Variants in ELMO1 observed in about 807,000 individuals in gnomAD.
The protein encoded by ELMO1 is engulfment and cell motility protein 1.
A neutral mutation model predicts 98.9 loss-of-function variants in ELMO1; 26 were observed. That is an observed-to-expected ratio of 0.26 (90% confidence interval 0.19 to 0.36). The LOEUF is 0.36. ELMO1 is among the 10% of genes least tolerant of loss of function. The probability of loss-of-function intolerance (pLI) is 1.00; values close to 1 mark genes in which losing one functional copy is unlikely to be tolerated. For synonymous variants in ELMO1, 346 were observed against 346.0 expected, an observed-to-expected ratio of 1.00 and a Z score of 0.00; for missense variants, 627 against 935.2, an observed-to-expected ratio of 0.67 and a Z score of 4.30.
At chr7:36,984,660 C>T (rs943161144) in intron 16 of ELMO1, among the ~76,000 whole-genome samples, 1 of 152,196 alleles carries the variant, frequency 6.6e-6, no homozygotes, top group Non-Finnish European at 1.5e-5. Context: ...TTGACTATTT[C>T]ATGTGCATTT....
intron 16 of ELMO1, among the ~76,000 whole-genome samples, chr7:36,950,490 C>T (rs544624942): frequency 1.2e-3 from 182 of 152,358 alleles, no homozygotes; most frequent in African/African-American, 3.9e-3. Context: ...CCACTCCTAT[C>T]TTCTGCTTCT....
Position 36,919,435 on chromosome 7 carries a change from G to T in ELMO1, c.1438-24418C>A, listed in dbSNP as rs754677853. On this transcript the variant is annotated intron_variant, in intron 16 of 21. Transcript: ENST00000310758. ...AGAATGGCTCAGGAGAAGTAGCATA[G>T]TAAACTAGGAAGAATGTGGGCTTTG... 20 of 524,782 alleles carry T rather than the reference G, an allele frequency of 3.8e-5. 1 individual carries two copies. The highest frequency in any genetic ancestry group is 6.4e-4 in the Middle Eastern group (2 of 3,136). The allele number at this position is 524,782 out of a possible 1,614,324, so 32.5% of individuals were successfully genotyped here.
chr7:37,394,014 A>G (rs2131430547), intron 1 of ELMO1: 1 of 152,350 alleles, frequency 6.6e-6, no homozygotes. Flanking sequence ...TCCATAGCTA[A>G]GTAGAGGTAA....
intron 1 of ELMO1, among the ~76,000 whole-genome samples, chr7:37,348,960 C>T (rs561836133): frequency 6.6e-6 from 1 of 152,278 alleles, no homozygotes; most frequent in African/African-American, 2.4e-5. Flanking sequence ...TTCTGTTGCA[C>T]AGTAAACCCT....
intron 19 of ELMO1, among the ~76,000 whole-genome samples, chr7:36,871,156 G>C (rs912069683): frequency 5.3e-5 from 8 of 152,210 alleles, no homozygotes; most frequent in Admixed American, 5.2e-4. Context: ...ACAAAATGAT[G>C]TTATCTCATG....
intron 7 of ELMO1, among the ~76,000 whole-genome samples, chr7:37,236,679 C>T (rs1276900635): frequency 6.6e-6 from 1 of 152,080 alleles, no homozygotes; most frequent in Admixed American, 6.6e-5. Flanking sequence ...AGTAAGTTCC[C>T]ATATGGAAGA....
chr7:36,912,962 T>C (rs945928390), intron 16 of ELMO1, among the ~76,000 whole-genome samples: 1 of 152,224 alleles, frequency 6.6e-6, no homozygotes, highest in Non-Finnish European at 1.5e-5. Context: ...AAGCTTATTT[T>C]GTGTATCTTT....
chr7:37,079,035 T>C (rs1435801669), intron 15 of ELMO1, among the ~76,000 whole-genome samples: 1 of 152,176 alleles, frequency 6.6e-6, no homozygotes, highest in African/African-American at 2.4e-5. Flanking sequence ...AATTTAAAAA[T>C]ACTAAAAGTG....
intron 2 of ELMO1, among the ~76,000 whole-genome samples, chr7:37,316,605 C>T (rs975950410): frequency 5.3e-5 from 8 of 152,118 alleles, no homozygotes; most frequent in South Asian, 2.1e-4. Context: ...ACTTGTGCTC[C>T]GCCTGCCCCC....
chr7:37,295,744 T>C (rs1232014816), intron 4 of ELMO1, among the ~76,000 whole-genome samples: 1 of 152,140 alleles, frequency 6.6e-6, no homozygotes, highest in Non-Finnish European at 1.5e-5. Flanking sequence ...AGAGCCCAAA[T>C]AGAGAAAGAA....
intron 16 of ELMO1, among the ~76,000 whole-genome samples, chr7:36,989,622 T>A (rs1003726558): frequency 1.3e-5 from 2 of 152,166 alleles, no homozygotes; most frequent in Non-Finnish European, 2.9e-5. Flanking sequence ...CAAAAGACCA[T>A]CTATATGAGA....
In ELMO1 at chr7:36,854,010, C is replaced by T. The variant is rs984325508; in HGVS notation, c.*1541G>A. ...AAAGTTGTGATGTCTTTAATTAGAC[C>T]CATTCTATAAATTATATCATGGTAA... On this transcript the variant is annotated 3_prime_UTR_variant, in exon 22 of 22. Coordinates refer to ENST00000310758, the MANE Select transcript of ELMO1 (RefSeq NM_014800.11). Among the ~76,000 whole-genome samples, 6 of 151,844 alleles carry T rather than the reference C, an allele frequency of 4.0e-5. No homozygotes were observed. Among genetic ancestry groups the T allele is most frequent in the Non-Finnish European group, 5.9e-5 (4 of 67,974 alleles).
At chr7:36,908,778 C>T (rs1784142370) in intron 16 of ELMO1, among the ~76,000 whole-genome samples, 9 of 152,174 alleles carry the variant, frequency 5.9e-5, no homozygotes, top group Admixed American at 5.9e-4. Context: ...TCAATACCCA[C>T]CCTTTTTCCC....
rs139261623 is a variant in ELMO1 at position 37,163,318 on chromosome 7, T to C, written c.1087-30084A>G. Among the ~76,000 whole-genome samples, 458 of 145,268 alleles carry C rather than the reference T, an allele frequency of 3.2e-3. 4 individuals carry two copies. Among genetic ancestry groups the C allele is most frequent in the African/African-American group, 0.011 (446 of 39,196 alleles). On this transcript the variant is annotated intron_variant, in intron 13 of 21. Transcript: ENST00000310758. ...TTTTATTATTAAATATCAGGTATTATAGGGTATAAGCCAGTGTTCTTTTTT... is the reference window on the plus strand; with the variant it reads ...TTTTATTATTAAATATCAGGTATTACAGGGTATAAGCCAGTGTTCTTTTTT...
Position 37,113,868 on chromosome 7 carries a change from A to G in ELMO1, c.1192-17141T>C, listed in dbSNP as rs77184913. ...GGCAGCAAGAGGGCAGCCGTTTACA[A>G]GCCAAAAAGGGAGGCCTCAGAGACA... On this transcript the variant is annotated intron_variant, in intron 14 of 21. Coordinates refer to ENST00000310758, the MANE Select transcript of ELMO1 (RefSeq NM_014800.11). Among the ~76,000 whole-genome samples, 147 of 152,344 alleles carry G rather than the reference A, an allele frequency of 9.6e-4. 1 individual carries two copies. The highest frequency in any genetic ancestry group is 3.5e-3 in the African/African-American group (144 of 41,588).
intron 16 of ELMO1, among the ~76,000 whole-genome samples, chr7:36,997,224 ATTTCT>A (rs1205527718): frequency 6.6e-6 from 1 of 152,204 alleles, no homozygotes; most frequent in African/African-American, 2.4e-5. Flanking sequence ...GAGAGGAATG[ATTTCT>A]TTTAAGACCA....
At chr7:37,351,658 A>G (rs1014486337) in intron 1 of ELMO1, among the ~76,000 whole-genome samples, 2 of 152,196 alleles carry the variant, frequency 1.3e-5, no homozygotes, top group Non-Finnish European at 2.9e-5. Context: ...TAAATTCCTC[A>G]TTACGCTAAA....
intron 15 of ELMO1, among the ~76,000 whole-genome samples, chr7:37,057,675 G>A (rs561871753): frequency 7.2e-5 from 11 of 152,116 alleles, no homozygotes; most frequent in African/African-American, 2.7e-4. Context: ...CCTTTTCAAC[G>A]CAGATGTGTG....
At chr7:37,038,602 G>C (rs370862170) in intron 15 of ELMO1, among the ~76,000 whole-genome samples, 1 of 152,132 alleles carries the variant, frequency 6.6e-6, no homozygotes, top group African/African-American at 2.4e-5. Context: ...GAAATGAAAA[G>C]GTATGACAAG....
Sources: gnomAD v4.1 joint callset for allele counts (sites outside exome capture counted in the v4.1 genomes callset) on GRCh38, gnomAD v4.1.1 for gene constraint, MANE v1.5 for transcripts, NCBI Gene and HGNC (gene_info 2026-07-23, HGNC 2026-07-21) for gene names.